TF: variants seen among roughly 807,000 people sequenced by gnomAD.
The protein encoded by TF is transferrin, also known as serotransferrin.
Under a neutral mutation model 82.4 loss-of-function variants are expected in TF, and 55 were observed. That is an observed-to-expected ratio of 0.67 (90% confidence interval 0.54 to 0.84). TF has a LOEUF of 0.84. Among genes scored for constraint, TF ranks in the 40% least tolerant of loss-of-function variants. The pLI, the probability that TF is intolerant of heterozygous loss-of-function variation, is 0.00. For missense variants in TF, 737 were observed against 868.4 expected (o/e 0.85, Z 1.90); for synonymous variants, 332 against 332.6 (o/e 1.00, Z 0.02).
the TF span, among the ~76,000 whole-genome samples, chr3:133,680,879 C>T: frequency 6.6e-6 from 1 of 152,114 alleles, no homozygotes; most frequent in African/African-American, 2.4e-5. Flanking sequence ...TTATTTAATT[C>T]CCTGACAGTT....
rs899565263 is a variant in TF, at chr3:133,780,117, C to T, written c.*1497C>T. 1 of 152,216 alleles carries T rather than the reference C, an allele frequency of 6.6e-6. No individual in the cohort carries two copies. Among genetic ancestry groups the T allele is most frequent in the Non-Finnish European group, 1.5e-5 (1 of 68,050 alleles). The allele number at this position is 152,216 out of a possible 1,614,324, so 9.4% of individuals were successfully genotyped here. ...ACACAACATTCCACACCTCTCTCAA[C>T]TGTCTAGTATTCAAGAAAATAGGAC... On this transcript the variant is annotated 3_prime_UTR_variant, in exon 17 of 17. Transcript: ENST00000402696.
the TF span, among the ~76,000 whole-genome samples, chr3:133,740,766 T>C: frequency 5.6e-4 from 86 of 152,316 alleles, no homozygotes; most frequent in African/African-American, 1.9e-3. Flanking sequence ...TATCAAGTCT[T>C]CCACTCCCTG....
chr3:133,703,802 A>T, the TF span, among the ~76,000 whole-genome samples: 1 of 152,378 alleles, frequency 6.6e-6, no homozygotes, highest in South Asian at 2.1e-4. Context: ...TTGTTGTGCC[A>T]GGCACTGAGT....
chr3:133,747,617 A>G (rs993146970), intron 1 of TF, among the ~76,000 whole-genome samples: 7 of 152,222 alleles, frequency 4.6e-5, no homozygotes, highest in African/African-American at 1.7e-4. Flanking sequence ...ATGGATTTTA[A>G]TAGTTACCCA....
At chr3:133,662,760 T>C in the TF span, among the ~76,000 whole-genome samples, 2 of 152,360 alleles carry the variant, frequency 1.3e-5, no homozygotes, top group Admixed American at 6.5e-5. Context: ...TTTTTTCTTA[T>C]TTTATAAAAT....
chr3:133,710,732 T>G, the TF span, among the ~76,000 whole-genome samples: 1 of 152,234 alleles, frequency 6.6e-6, no homozygotes. Context: ...CTCCTTCTGG[T>G]GTGTCCAACA....
the TF span, chr3:133,701,895 A>C: frequency 6.5e-6 from 1 of 152,744 alleles, no homozygotes; most frequent in Non-Finnish European, 1.5e-5. Context: ...CTAAGCTCCC[A>C]GACCTACCTG....
intron 15 of TF, among the ~76,000 whole-genome samples, chr3:133,776,009 C>G (rs550818910): frequency 6.6e-6 from 1 of 152,248 alleles, no homozygotes; most frequent in South Asian, 2.1e-4. Flanking sequence ...TGGAACTAGA[C>G]CTCTCAGGCC....
At chr3:133,667,661 A>G in the TF span, among the ~76,000 whole-genome samples, 1 of 152,178 alleles carries the variant, frequency 6.6e-6, no homozygotes, top group Admixed American at 6.5e-5. Context: ...CTCTGCCATG[A>G]CTTCCTCTAT....
At chr3:133,709,272 T>G in the TF span, among the ~76,000 whole-genome samples, 1 of 152,066 alleles carries the variant, frequency 6.6e-6, no homozygotes, top group Non-Finnish European at 1.5e-5. Context: ...CACACATCCT[T>G]TTACACTAAG....
At chr3:133,770,618 T>A (rs761911202) in intron 14 of TF, 46 bp downstream of exon 14, 57 of 1,574,666 alleles carry the variant, frequency 3.6e-5, no homozygotes, top group Non-Finnish European at 4.6e-5. Context: ...TAGATCCTGG[T>A]CACTGGTATT....
chr3:133,670,774 G>C, the TF span, among the ~76,000 whole-genome samples: 29 of 152,286 alleles, frequency 1.9e-4, 2 homozygotes, highest in African/African-American at 6.0e-4. Context: ...TGATCTCTGC[G>C]CTCATAGATC....
chr3:133,674,249 C>A, the TF span, among the ~76,000 whole-genome samples: 2 of 152,170 alleles, frequency 1.3e-5, no homozygotes. Context: ...CAGAAACCTG[C>A]GTATAGCAAC....
the TF span, among the ~76,000 whole-genome samples, chr3:133,725,395 G>A: frequency 3.6e-4 from 55 of 152,196 alleles, 2 homozygotes; most frequent in Non-Finnish European, 8.8e-5. Flanking sequence ...TGGATTCCTA[G>A]GTATTTTATT....
At chr3:133,737,186 G>A in the TF span, among the ~76,000 whole-genome samples, 4 of 152,188 alleles carry the variant, frequency 2.6e-5, no homozygotes, top group Non-Finnish European at 5.9e-5. Flanking sequence ...CAACTACATG[G>A]AAACTGAGCA....
chr3:133,776,958 G>A, intron 15 of TF, 91 bp from the exon 16 acceptor site: 1 of 1,197,054 alleles, frequency 8.4e-7, no homozygotes, highest in Non-Finnish European at 1.2e-6. Flanking sequence ...TTTCCCCAGG[G>A]CTGGTTCAGA....
the TF span, among the ~76,000 whole-genome samples, chr3:133,683,464 T>G: frequency 6.6e-6 from 1 of 151,944 alleles, no homozygotes; most frequent in Non-Finnish European, 1.5e-5. Context: ...CCATCTCACA[T>G]GCAGAGACAC....
chr3:133,714,018 G>A, the TF span, among the ~76,000 whole-genome samples: 1 of 152,204 alleles, frequency 6.6e-6, no homozygotes, highest in Admixed American at 6.5e-5. Context: ...TCAGCAACCA[G>A]TTTTAGAAAT....
chr3:133,765,690 CTG>C (rs1452802457), intron 11 of TF, among the ~76,000 whole-genome samples: 2 of 152,206 alleles, frequency 1.3e-5, no homozygotes, highest in African/African-American at 4.8e-5. Flanking sequence ...CTGTTGGAAA[CTG>C]TAATCTGAAT....
Sources: allele counts gnomAD v4.1 joint callset (sites outside exome capture counted in the v4.1 genomes callset), GRCh38; gene constraint gnomAD v4.1.1; transcripts MANE v1.5; gene names NCBI Gene and HGNC (gene_info 2026-07-23, HGNC 2026-07-21).